ENTREP2: variants seen among roughly 807,000 people sequenced by gnomAD.
ENTREP2 encodes the protein protein ENTREP2.
the ENTREP2 span, chr15:29,123,055 C>T: frequency 7.3e-6 from 3 of 410,188 alleles, no homozygotes; most frequent in East Asian, 7.6e-5. Flanking sequence ...CAAGGTGCTG[C>T]ACGCCAGATA....
chr15:29,509,087 T>A, the ENTREP2 span, among the ~76,000 whole-genome samples: 159 of 152,230 alleles, frequency 1.0e-3, 1 homozygote, highest in Admixed American at 1.9e-3. Flanking sequence ...AAAAATTACA[T>A]GCATTCCTAT....
the ENTREP2 span, among the ~76,000 whole-genome samples, chr15:29,160,680 G>A: frequency 2.6e-4 from 34 of 129,744 alleles, no homozygotes; most frequent in Non-Finnish European, 4.8e-4. Context: ...CCGCACTCCA[G>A]CCTGGGTGAC....
chr15:29,635,526 G>A, the ENTREP2 span, among the ~76,000 whole-genome samples: 1 of 152,148 alleles, frequency 6.6e-6, no homozygotes, highest in African/African-American at 2.4e-5. Context: ...ACACAGAGGA[G>A]CTCGGAAGTG....
chr15:29,529,544 G>C, the ENTREP2 span, among the ~76,000 whole-genome samples: 4 of 151,890 alleles, frequency 2.6e-5, no homozygotes, highest in Non-Finnish European at 5.9e-5. Flanking sequence ...CTGGGCTCTA[G>C]GCTGGCTGGT....
chr15:29,333,191 G>A, the ENTREP2 span, among the ~76,000 whole-genome samples: 1 of 152,062 alleles, frequency 6.6e-6, no homozygotes, highest in Admixed American at 6.5e-5. Context: ...ACACAGTCCT[G>A]GGAAACCAGG....
chr15:29,354,980 A>C, the ENTREP2 span, among the ~76,000 whole-genome samples: 2 of 152,118 alleles, frequency 1.3e-5, no homozygotes, highest in Non-Finnish European at 2.9e-5. Flanking sequence ...CACTGGGTTC[A>C]GACTTGGGCA....
At chr15:29,496,246 T>A in the ENTREP2 span, among the ~76,000 whole-genome samples, 1 of 152,020 alleles carries the variant, frequency 6.6e-6, no homozygotes, top group Non-Finnish European at 1.5e-5. Context: ...CTGCTTTTTA[T>A]ATCCTGCAAC....
chr15:29,120,566 T>C, the ENTREP2 span: 1 of 152,206 alleles, frequency 6.6e-6, no homozygotes. Flanking sequence ...TTGGGGTCCA[T>C]GTTCTCCCCA....
chr15:29,381,925 G>C, the ENTREP2 span: 1 of 1,165,746 alleles, frequency 8.6e-7, no homozygotes, highest in Non-Finnish European at 1.2e-6. Flanking sequence ...GGAGAAGGAC[G>C]TGTGGAACAC....
chr15:29,543,374 G>A, the ENTREP2 span, among the ~76,000 whole-genome samples: 2 of 152,300 alleles, frequency 1.3e-5, no homozygotes, highest in South Asian at 2.1e-4. Flanking sequence ...ACTTAGTGAG[G>A]AGAGTTTCCA....
the ENTREP2 span, among the ~76,000 whole-genome samples, chr15:29,227,586 G>A: frequency 1.3e-5 from 2 of 152,090 alleles, no homozygotes; most frequent in East Asian, 3.9e-4. Context: ...CACAGAACAG[G>A]GATGCCCACC....
At chr15:29,282,260 T>TCA in the ENTREP2 span, among the ~76,000 whole-genome samples, 1 of 152,292 alleles carries the variant, frequency 6.6e-6, no homozygotes, top group African/African-American at 2.4e-5. Context: ...TCTGATGGTT[T>TCA]CATAAGGGGA....
chr15:29,235,897 A>G, the ENTREP2 span, among the ~76,000 whole-genome samples: 1 of 152,128 alleles, frequency 6.6e-6, no homozygotes, highest in Admixed American at 6.5e-5. Flanking sequence ...CGTGAGGCAG[A>G]GGTTGCAGTG....
the ENTREP2 span, among the ~76,000 whole-genome samples, chr15:29,564,650 C>A: frequency 1.3e-5 from 2 of 152,192 alleles, no homozygotes. Flanking sequence ...GCCCACCAGA[C>A]TTCCATCCTA....
At chr15:29,188,794 C>T in the ENTREP2 span, among the ~76,000 whole-genome samples, 2 of 152,164 alleles carry the variant, frequency 1.3e-5, no homozygotes, top group South Asian at 2.1e-4. Context: ...CAGCCCCACT[C>T]CCCATTCTCC....
chr15:29,334,109 C>G, the ENTREP2 span, among the ~76,000 whole-genome samples: 1 of 152,200 alleles, frequency 6.6e-6, no homozygotes, highest in African/African-American at 2.4e-5. Flanking sequence ...ATTTCTGTTG[C>G]TTAAGCCACC....
chr15:29,489,390 AAAGT>A, the ENTREP2 span, among the ~76,000 whole-genome samples: 2 of 152,228 alleles, frequency 1.3e-5, no homozygotes, highest in African/African-American at 4.8e-5. Flanking sequence ...GTTACCTGCC[AAAGT>A]AAGACGTTGC....
At chr15:29,347,344 AT>A in the ENTREP2 span, among the ~76,000 whole-genome samples, 1 of 151,676 alleles carries the variant, frequency 6.6e-6, no homozygotes, top group African/African-American at 2.4e-5. Flanking sequence ...ATTTTATTTT[AT>A]TTTTTATAGA....
chr15:29,395,135 G>T, the ENTREP2 span, among the ~76,000 whole-genome samples: 1 of 151,200 alleles, frequency 6.6e-6, no homozygotes, highest in Non-Finnish European at 1.5e-5. Context: ...TGATCCGCCC[G>T]CCTCGGCCTC....
Sources: gnomAD v4.1 joint callset for allele counts (sites outside exome capture counted in the v4.1 genomes callset) on GRCh38, gnomAD v4.1.1 for gene constraint, MANE v1.5 for transcripts, NCBI Gene and HGNC (gene_info 2026-07-23, HGNC 2026-07-21) for gene names.